The following SPTLC1 variants were observed in gnomAD, a reference collection of about 807,000 sequenced individuals.
The protein encoded by SPTLC1 is serine palmitoyltransferase long chain base subunit 1.
SPTLC1 carries 55 observed loss-of-function variants against 68.9 expected under a neutral mutation model. The ratio of observed to expected loss-of-function variants is 0.80; its 90% CI spans 0.64 to 1.00. SPTLC1 has a LOEUF of 1.00. SPTLC1 is among the 50% of genes least tolerant of loss of function. The pLI is 0.00. For synonymous variants in SPTLC1, 197 were observed against 201.6 expected, an observed-to-expected ratio of 0.98 and a Z score of 0.19; for missense variants, 449 against 573.1, an observed-to-expected ratio of 0.78 and a Z score of 2.21.
intron 8 of SPTLC1, among the ~76,000 whole-genome samples, chr9:92,054,297 C>T (rs947777011): frequency 2.6e-5 from 4 of 151,904 alleles, no homozygotes; most frequent in African/African-American, 9.7e-5. Flanking sequence ...AAAAACAAAA[C>T]ACAAAAAAAC....
At chr9:92,104,425 G>A in intron 3 of SPTLC1, 2 of 1,379,406 alleles carry the variant, frequency 1.4e-6, no homozygotes, top group Non-Finnish European at 9.6e-7. Context: ...TGGCGCCCCT[G>A]TGAGGCTGTG....
At chr9:92,056,364 G>A (rs376774472) in intron 7 of SPTLC1, among the ~76,000 whole-genome samples, 62 of 152,230 alleles carry the variant, frequency 4.1e-4, no homozygotes, top group African/African-American at 1.4e-3. Flanking sequence ...GAGTAGCTGG[G>A]ATTACAGGCA....
intron 3 of SPTLC1, among the ~76,000 whole-genome samples, chr9:92,089,197 G>A (rs1390299028): frequency 6.6e-6 from 1 of 152,240 alleles, no homozygotes; most frequent in African/African-American, 2.4e-5. Context: ...GATTACCTGA[G>A]GTCAGGAGTT....
chr9:92,040,895 T>C (rs1833327963), intron 12 of SPTLC1, among the ~76,000 whole-genome samples: 1 of 152,208 alleles, frequency 6.6e-6, no homozygotes, highest in Non-Finnish European at 1.5e-5. Flanking sequence ...TCTGGTTGCC[T>C]AGATGCTGAA....
At chr9:92,096,046 A>G (rs1224075323) in intron 3 of SPTLC1, among the ~76,000 whole-genome samples, 2 of 152,218 alleles carry the variant, frequency 1.3e-5, no homozygotes, top group Non-Finnish European at 2.9e-5. Context: ...TTCTGAAGAC[A>G]AAAATTAGGT....
chr9:92,105,765 G>A (rs573960932), intron 3 of SPTLC1, among the ~76,000 whole-genome samples: 121 of 144,602 alleles, frequency 8.4e-4, no homozygotes, highest in Admixed American at 4.4e-3. Flanking sequence ...CCCAGCCGCC[G>A]CCCTGTCTGG....
chr9:92,037,597 G>A lies in SPTLC1; in HGVS notation c.1254+651C>T, dbSNP rs140288185. On this transcript the variant is annotated intron_variant, in intron 13 of 14. Coordinates refer to ENST00000262554, the MANE Select transcript of SPTLC1 (RefSeq NM_006415.4). ...TGGCTCTGAACCACTGTAAACCCGC[G>A]TGCCCAGGGCAGGAAGCACTCTGGA... 1.9e-3 allele frequency among the ~76,000 whole-genome samples: 294 copies of A among 152,238 alleles called. 1 individual carries two copies. The highest frequency in any genetic ancestry group is 3.5e-3 in the Non-Finnish European group (237 of 68,018).
At chr9:92,082,984 T>C (rs1227705403) in intron 3 of SPTLC1, among the ~76,000 whole-genome samples, 1 of 152,238 alleles carries the variant, frequency 6.6e-6, no homozygotes, top group African/African-American at 2.4e-5. Context: ...ATTTCTCTCA[T>C]GGCCAGTGAT....
chr9:92,107,737 G>GCGAGAC (rs1400448468), intron 3 of SPTLC1: 2 of 152,106 alleles, frequency 1.3e-5, no homozygotes, highest in Non-Finnish European at 2.9e-5. Context: ...GGGCGACAGA[G>GCGAGAC]CGAGACTCTG....
intron 9 of SPTLC1, among the ~76,000 whole-genome samples, chr9:92,049,018 T>G (rs960943811): frequency 1.4e-4 from 22 of 152,240 alleles, no homozygotes; most frequent in Non-Finnish European, 2.9e-4. Context: ...GGCTGTAGTG[T>G]ACTGCTAAAT....
At chr9:92,049,550 T>G (rs926645657) in intron 9 of SPTLC1, among the ~76,000 whole-genome samples, 1 of 152,174 alleles carries the variant, frequency 6.6e-6, no homozygotes, top group Non-Finnish European at 1.5e-5. Context: ...AAACACATTA[T>G]ATAGAATACA....
chr9:92,042,611 G>T (rs1833390482), intron 12 of SPTLC1, among the ~76,000 whole-genome samples: 1 of 152,134 alleles, frequency 6.6e-6, no homozygotes, highest in African/African-American at 2.4e-5. Context: ...CACAAAGGGA[G>T]ATTTAAATAG....
chr9:92,061,065 A>C (rs901319195), intron 6 of SPTLC1, among the ~76,000 whole-genome samples: 1 of 152,198 alleles, frequency 6.6e-6, no homozygotes, highest in Non-Finnish European at 1.5e-5. Flanking sequence ...GAAGAGAAAG[A>C]GGTGGGGAGC....
At chr9:92,110,807 T>C (rs1477561507) in intron 2 of SPTLC1, 2 of 152,334 alleles carry the variant, frequency 1.3e-5, no homozygotes, top group Non-Finnish European at 2.9e-5. Context: ...CTTGCTTTCC[T>C]AGTCTCAATC....
chr9:92,068,828 G>A (rs1033550299), intron 5 of SPTLC1, among the ~76,000 whole-genome samples: 1 of 152,136 alleles, frequency 6.6e-6, no homozygotes, highest in African/African-American at 2.4e-5. Context: ...GCCCTCGGAC[G>A]GAGGACCAGT....
At chr9:92,107,820 G>A (rs1836061554) in intron 3 of SPTLC1, 1 of 152,142 alleles carries the variant, frequency 6.6e-6, no homozygotes, top group Non-Finnish European at 1.5e-5. Context: ...GAGATCTACA[G>A]AAGTAAAGAA....
rs538937195 is a variant in SPTLC1 at position 92,062,242 on chromosome 9, A to C, written c.561-2934T>G. On this transcript the variant is annotated intron_variant, in intron 6 of 14. Transcript: ENST00000262554. ...GAGTGTTTGCTTTGGCAGCACATAC[A>C]CAAAAAGTGGAAAATTATCAGAGAC... 1.9e-4 allele frequency among the ~76,000 whole-genome samples: 29 copies of C among 152,352 alleles called. No individual in the cohort carries two copies. In the South Asian group the frequency reaches 6.0e-3, roughly 32 times the overall value.
chr9:92,041,175 T>C (rs1299371148), intron 12 of SPTLC1, among the ~76,000 whole-genome samples: 3 of 152,128 alleles, frequency 2.0e-5, no homozygotes, highest in East Asian at 1.9e-4. Flanking sequence ...CAAACCAGCA[T>C]AGGATGTTGA....
intron 12 of SPTLC1, among the ~76,000 whole-genome samples, chr9:92,042,133 A>G (rs986564909): frequency 6.6e-6 from 1 of 152,178 alleles, no homozygotes; most frequent in Non-Finnish European, 1.5e-5. Context: ...AAAACTAGGA[A>G]TAATTCAATA....
Sources: allele counts gnomAD v4.1 joint callset (sites outside exome capture counted in the v4.1 genomes callset), GRCh38; gene constraint gnomAD v4.1.1; transcripts MANE v1.5; gene names NCBI Gene and HGNC (gene_info 2026-07-23, HGNC 2026-07-21).